Variants in BLTP3B observed in about 807,000 individuals in gnomAD.
BLTP3B encodes bridge-like lipid transfer protein family member 3B.
chr12:100,058,302 A>G, the BLTP3B span: 1 of 1,613,824 alleles, frequency 6.2e-7, no homozygotes, highest in South Asian at 1.1e-5. Context: ...TTCTGATCCA[A>G]TTTCTCCTGA....
At chr12:100,075,832 A>G in the BLTP3B span, among the ~76,000 whole-genome samples, 2 of 152,216 alleles carry the variant, frequency 1.3e-5, no homozygotes, top group African/African-American at 4.8e-5. Context: ...GCTATTATTA[A>G]AAAGTCAAAA....
At chr12:100,070,271 T>C in the BLTP3B span, 1 of 1,340,492 alleles carries the variant, frequency 7.5e-7, no homozygotes, top group Non-Finnish European at 9.7e-7. Flanking sequence ...CCAGAAGGTT[T>C]TTTATTTTTA....
the BLTP3B span, among the ~76,000 whole-genome samples, chr12:100,097,995 T>C: frequency 1.3e-5 from 2 of 152,090 alleles, no homozygotes; most frequent in African/African-American, 4.8e-5. Flanking sequence ...GGCAGGTGGA[T>C]AGCTTGAGCC....
chr12:100,136,147 G>A, the BLTP3B span, among the ~76,000 whole-genome samples: 1 of 150,720 alleles, frequency 6.6e-6, no homozygotes, highest in African/African-American at 2.4e-5. Flanking sequence ...GGAGGCAGAG[G>A]TTGCAGTGAG....
At chr12:100,094,125 CTTTT>C in the BLTP3B span, among the ~76,000 whole-genome samples, 1 of 151,946 alleles carries the variant, frequency 6.6e-6, no homozygotes, top group Non-Finnish European at 1.5e-5. Context: ...GTTTGTTTTC[CTTTT>C]TTCTTTTGGA....
the BLTP3B span, chr12:100,057,726 C>A: frequency 6.2e-7 from 1 of 1,610,902 alleles, no homozygotes; most frequent in Non-Finnish European, 8.5e-7. Flanking sequence ...GTTGGGTGGG[C>A]AACGTTCCTT....
the BLTP3B span, among the ~76,000 whole-genome samples, chr12:100,078,653 T>C: frequency 2.0e-5 from 3 of 152,194 alleles, no homozygotes; most frequent in Non-Finnish European, 4.4e-5. Context: ...CATCCATCCA[T>C]ATATTTACAC....
At chr12:100,078,944 T>C in the BLTP3B span, among the ~76,000 whole-genome samples, 1 of 152,196 alleles carries the variant, frequency 6.6e-6, no homozygotes, top group Admixed American at 6.5e-5. Context: ...CTGATGGTTT[T>C]AAAAATAGGA....
the BLTP3B span, chr12:100,037,406 A>G: frequency 8.0e-7 from 1 of 1,253,894 alleles, no homozygotes; most frequent in East Asian, 4.4e-5. Flanking sequence ...CCTAGATCAC[A>G]ACAGCTTAAA....
At chr12:100,108,141 T>A in the BLTP3B span, among the ~76,000 whole-genome samples, 2 of 152,204 alleles carry the variant, frequency 1.3e-5, no homozygotes, top group Non-Finnish European at 2.9e-5. Flanking sequence ...ATTAACAAAT[T>A]AATAATTTTG....
At chr12:100,072,643 G>A in the BLTP3B span, 2 of 1,445,752 alleles carry the variant, frequency 1.4e-6, no homozygotes, top group South Asian at 1.5e-5. Flanking sequence ...CTCAAATAAT[G>A]GACAAATAAT....
chr12:100,053,285 A>G, the BLTP3B span, among the ~76,000 whole-genome samples: 3,200 of 151,824 alleles, frequency 0.021, 122 homozygotes, highest in African/African-American at 0.073. Flanking sequence ...CGCATCTGTA[A>G]TCCCAGCTAT....
chr12:100,075,276 C>G, the BLTP3B span, among the ~76,000 whole-genome samples: 1 of 152,210 alleles, frequency 6.6e-6, no homozygotes, highest in African/African-American at 2.4e-5. Flanking sequence ...TCTCAAAATG[C>G]TGGGATTACA....
At chr12:100,047,648 A>G in the BLTP3B span, 6 of 1,561,192 alleles carry the variant, frequency 3.8e-6, no homozygotes, top group East Asian at 6.7e-5. Flanking sequence ...CCTACAGGAA[A>G]GAAAAATAAC....
At chr12:100,084,380 ACACACACAC>A in the BLTP3B span, 8 of 4,604 alleles carry the variant, frequency 1.7e-3, no homozygotes, top group African/African-American at 5.1e-3. Flanking sequence ...TACTATGATC[ACACACACAC>A]ACACACACAC....
chr12:100,063,531 A>C, the BLTP3B span, among the ~76,000 whole-genome samples: 2 of 151,960 alleles, frequency 1.3e-5, no homozygotes, highest in Non-Finnish European at 2.9e-5. Context: ...ACACAGAGAA[A>C]CCCTGTCTCT....
At chr12:100,088,773 C>G in the BLTP3B span, 1 of 591,258 alleles carries the variant, frequency 1.7e-6, no homozygotes. Flanking sequence ...TCCAGTTGTG[C>G]CTTTCATCTA....
At chr12:100,048,085 A>T in the BLTP3B span, 1 of 1,613,358 alleles carries the variant, frequency 6.2e-7, no homozygotes, top group Non-Finnish European at 8.5e-7. Context: ...GCACTGCAGA[A>T]ATCCATTTTT....
chr12:100,064,486 T>C, the BLTP3B span, among the ~76,000 whole-genome samples: 1 of 152,190 alleles, frequency 6.6e-6, no homozygotes, highest in African/African-American at 2.4e-5. Context: ...CTCATTGTCA[T>C]CAGGTTATCT....
Sources: allele counts gnomAD v4.1 joint callset (sites outside exome capture counted in the v4.1 genomes callset), GRCh38; gene constraint gnomAD v4.1.1; transcripts MANE v1.5; gene names NCBI Gene and HGNC (gene_info 2026-07-23, HGNC 2026-07-21).